Variants in CAMK1D observed in about 807,000 individuals in gnomAD.
CAMK1D encodes the protein calcium/calmodulin-dependent protein kinase type 1D.
A neutral mutation model predicts 47.7 loss-of-function variants in CAMK1D; 9 were observed. The ratio of observed to expected loss-of-function variants is 0.19; its 90% confidence interval spans 0.11 to 0.33. The LOEUF (loss-of-function observed/expected upper bound fraction) is 0.33, where lower values mean the gene tolerates loss of function less well. Among genes scored for constraint, CAMK1D ranks in the 10% least tolerant of loss-of-function variants. CAMK1D has a pLI of 1.00. For synonymous variants in CAMK1D, 184 were observed against 184.9 expected (o/e 0.99, Z 0.04); for missense variants, 291 against 488.7 (o/e 0.60, Z 3.81).
intron 1 of CAMK1D, among the ~76,000 whole-genome samples, chr10:12,380,339 T>A (rs1006264445): frequency 6.6e-6 from 1 of 152,202 alleles, no homozygotes; most frequent in Admixed American, 6.5e-5. Context: ...GATCAATGAT[T>A]ATAAATATGA....
At chr10:12,524,418 A>G (rs1343692896) in intron 1 of CAMK1D, among the ~76,000 whole-genome samples, 1 of 152,216 alleles carries the variant, frequency 6.6e-6, no homozygotes, top group African/African-American at 2.4e-5. Flanking sequence ...ACATAAAAAC[A>G]TCATTTTGAC....
intron 1 of CAMK1D, among the ~76,000 whole-genome samples, chr10:12,378,416 A>T (rs1838245157): frequency 7.1e-6 from 1 of 141,706 alleles, no homozygotes; most frequent in African/African-American, 2.8e-5. Context: ...TGGCAAACTT[A>T]AATTTTTTTT....
chr10:12,597,326 G>A (rs1302655535), intron 2 of CAMK1D, among the ~76,000 whole-genome samples: 1 of 152,186 alleles, frequency 6.6e-6, no homozygotes, highest in Non-Finnish European at 1.5e-5. Context: ...TTTGTGCTTA[G>A]GAAACTTGAC....
chr10:12,527,265 G>T (rs985190825), intron 1 of CAMK1D, among the ~76,000 whole-genome samples: 11 of 150,808 alleles, frequency 7.3e-5, no homozygotes, highest in African/African-American at 2.7e-4. Context: ...GGGACTGCTT[G>T]TCTCAGTCCT....
chr10:12,521,748 C>T (rs1835422103), intron 1 of CAMK1D, among the ~76,000 whole-genome samples: 1 of 152,176 alleles, frequency 6.6e-6, no homozygotes, highest in Non-Finnish European at 1.5e-5. Context: ...TATTGCCTCA[C>T]ATATTTTGAA....
chr10:12,367,109 T>C (rs942247348), intron 1 of CAMK1D, among the ~76,000 whole-genome samples: 6 of 152,152 alleles, frequency 3.9e-5, no homozygotes, highest in African/African-American at 1.4e-4. Flanking sequence ...GAGCTAATTA[T>C]ACTTGTGAGA....
In CAMK1D at chr10:12,693,275, G is replaced by A. The variant is rs551051109; in HGVS notation, c.299+26465G>A. Among the ~76,000 whole-genome samples, 3 of 152,242 alleles carry A rather than the reference G, an allele frequency of 2.0e-5. No individual in the cohort carries two copies. The South Asian group carries it at 6.2e-4, about 32-fold the overall frequency. ...AGCTACTTGGGAGGCTGAGGCAGGA[G>A]AATTGCTTGAACACGGTAGGCAGAG... On this transcript the variant is annotated intron_variant, in intron 3 of 10. Coordinates refer to ENST00000619168, the MANE Select transcript of CAMK1D (RefSeq NM_153498.4).
chr10:12,584,274 G>T (rs375280913), intron 2 of CAMK1D, among the ~76,000 whole-genome samples: 1 of 152,172 alleles, frequency 6.6e-6, no homozygotes, highest in Admixed American at 6.5e-5. Context: ...TGATTCTCCA[G>T]GAAGAGAAAA....
At chr10:12,702,913 A>G (rs899443618) in intron 3 of CAMK1D, among the ~76,000 whole-genome samples, 1 of 152,222 alleles carries the variant, frequency 6.6e-6, no homozygotes, top group Non-Finnish European at 1.5e-5. Context: ...GCCAGAGAGC[A>G]TTGTTCCTCT....
At chr10:12,728,167 A>T (rs1428547950) in intron 3 of CAMK1D, among the ~76,000 whole-genome samples, 1 of 152,208 alleles carries the variant, frequency 6.6e-6, no homozygotes, top group East Asian at 1.9e-4. Context: ...CAGATTTGTC[A>T]TGTGTGTTAG....
At chr10:12,728,807 G>C (rs1834766942) in intron 3 of CAMK1D, among the ~76,000 whole-genome samples, 1 of 152,240 alleles carries the variant, frequency 6.6e-6, no homozygotes, top group African/African-American at 2.4e-5. Context: ...GGCTTTGGGA[G>C]TGCGTGTGTG....
chr10:12,500,796 G>A (rs1316805472), intron 1 of CAMK1D, among the ~76,000 whole-genome samples: 2 of 152,228 alleles, frequency 1.3e-5, no homozygotes, highest in Non-Finnish European at 2.9e-5. Flanking sequence ...ACACAGGTAT[G>A]TTGTACACCT....
chr10:12,496,890 C>A (rs557297773), intron 1 of CAMK1D, among the ~76,000 whole-genome samples: 10 of 152,278 alleles, frequency 6.6e-5, no homozygotes, highest in East Asian at 5.8e-4. Flanking sequence ...TCCTTCCCCC[C>A]ACAGCCACCT....
chr10:12,763,542 C>T (rs1384053586), intron 4 of CAMK1D, among the ~76,000 whole-genome samples: 1 of 152,212 alleles, frequency 6.6e-6, no homozygotes, highest in Non-Finnish European at 1.5e-5. Context: ...GCACCATTGG[C>T]ATTCAGCCCT....
intron 2 of CAMK1D, among the ~76,000 whole-genome samples, chr10:12,586,363 C>G (rs535882124): frequency 1.3e-5 from 2 of 148,796 alleles, no homozygotes; most frequent in Non-Finnish European, 3.0e-5. Flanking sequence ...GCAGGAGAAT[C>G]ACTTGAACCT....
At chr10:12,649,074 C>T (rs533093400) in intron 2 of CAMK1D, among the ~76,000 whole-genome samples, 1 of 151,852 alleles carries the variant, frequency 6.6e-6, no homozygotes, top group African/African-American at 2.4e-5. Context: ...TACTATGTTG[C>T]CCAGGCTGGT....
intron 1 of CAMK1D, among the ~76,000 whole-genome samples, chr10:12,357,377 G>A (rs1373943644): frequency 7.3e-5 from 11 of 151,546 alleles, no homozygotes; most frequent in East Asian, 1.9e-4. Flanking sequence ...GTGCAGTGGC[G>A]TGATCTTGGC....
intron 2 of CAMK1D, among the ~76,000 whole-genome samples, chr10:12,592,320 C>T (rs374301439): frequency 6.6e-6 from 1 of 152,162 alleles, no homozygotes; most frequent in South Asian, 2.1e-4. Context: ...TTCTTGTTTT[C>T]CAGTATTTCT....
chr10:12,543,097 G>C (rs1416977837), intron 1 of CAMK1D, among the ~76,000 whole-genome samples: 1 of 152,074 alleles, frequency 6.6e-6, no homozygotes, highest in East Asian at 1.9e-4. Flanking sequence ...ACCCAGGCTG[G>C]AGTGCAGTGG....
Sources: gnomAD v4.1 joint callset for allele counts (sites outside exome capture counted in the v4.1 genomes callset) on GRCh38, gnomAD v4.1.1 for gene constraint, MANE v1.5 for transcripts, NCBI Gene and HGNC (gene_info 2026-07-23, HGNC 2026-07-21) for gene names.